Variants in MBNL3 observed in about 807,000 individuals in gnomAD.
MBNL3 encodes muscleblind like splicing regulator 3, also known as muscleblind-like protein 3.
In MBNL3, 6 loss-of-function variants were observed where a neutral mutation model predicts 24.5. The observed-to-expected ratio is 0.25, with a 90% CI of 0.13 to 0.48. The LOEUF (loss-of-function observed/expected upper bound fraction) is 0.48. Among genes scored for constraint, MBNL3 ranks in the 20% least tolerant of loss-of-function variants. The pLI is 0.99. For synonymous variants in MBNL3, 100 were observed against 101.7 expected (o/e 0.98, Z 0.10); for missense variants, 230 against 293.5 (o/e 0.78, Z 1.58).
rs922941299 is a variant in MBNL3 at position 132,379,245 on chromosome X, A to G, written c.*421T>C. 1.5e-5 allele frequency: 2 copies of G among 129,960 alleles called. No individual in the cohort carries two copies. The highest frequency in any genetic ancestry group is 6.4e-5 in the African/African-American group (2 of 31,149). 10.7% of individuals were successfully genotyped at this position (129,960 alleles called of 1,213,427 possible). A position where few individuals can be genotyped will look rare whatever the true frequency, so the allele number is the denominator to read the frequency against. ...ATTTGTTACATCCTGAATCAACCCA[A>G]TAGACTATCTTGTAAACAAAATAGT... On this transcript the variant is annotated 3_prime_UTR_variant, in exon 9 of 9. Transcript: ENST00000370853.
At chrX:132,400,126 G>T (rs1356302984) in intron 3 of MBNL3, among the ~76,000 whole-genome samples, 2 of 111,593 alleles carry the variant, frequency 1.8e-5, no homozygotes, top group African/African-American at 6.5e-5. Context: ...AATGCTAAAT[G>T]ATGAGTTAAT....
rs1235961969 is a variant in MBNL3 at position 132,375,735 on chromosome X, A to C, written c.*3931T>G. 2 of 110,925 alleles carry C rather than the reference A, an allele frequency of 1.8e-5. No individual in the cohort carries two copies. Among genetic ancestry groups the C allele is most frequent in the African/African-American group, 6.5e-5 (2 of 30,619 alleles). 9.1% of individuals were successfully genotyped at this position (110,925 alleles called of 1,213,427 possible). ...CCTATTTCTGTTTCAATGTATGTGA[A>C]ATGTATTTGAGAGAAAAATAATGAG... On this transcript the variant is annotated 3_prime_UTR_variant, in exon 9 of 9. Coordinates refer to ENST00000370853, the MANE Select transcript of MBNL3 (RefSeq NM_001386889.1).
At chrX:132,454,763 A>G (rs1186460425) in intron 1 of MBNL3, among the ~76,000 whole-genome samples, 1 of 112,323 alleles carries the variant, frequency 8.9e-6, no homozygotes, top group Non-Finnish European at 1.9e-5. Flanking sequence ...ATACATATCT[A>G]CAAACCAACT....
chrX:132,397,990 A>C (rs1940128678), intron 3 of MBNL3, among the ~76,000 whole-genome samples: 1 of 111,105 alleles, frequency 9.0e-6, no homozygotes, highest in South Asian at 3.8e-4. Context: ...TACTAATCGT[A>C]CTTGTTAATG....
At chrX:132,407,619 G>A (rs1014142644) in intron 2 of MBNL3, among the ~76,000 whole-genome samples, 1 of 111,997 alleles carries the variant, frequency 8.9e-6, no homozygotes, top group Non-Finnish European at 1.9e-5. Context: ...GAATAGCTAC[G>A]CAATTTCAAC....
At chrX:132,391,815 A>G (rs1465461357) in intron 4 of MBNL3, among the ~76,000 whole-genome samples, 2 of 111,645 alleles carry the variant, frequency 1.8e-5, no homozygotes, top group Non-Finnish European at 3.8e-5. Flanking sequence ...CACTTTGATT[A>G]TTCTAGCAAG....
chrX:132,410,772 A>G (rs1319844708), intron 2 of MBNL3, among the ~76,000 whole-genome samples: 1 of 112,429 alleles, frequency 8.9e-6, no homozygotes, highest in African/African-American at 3.2e-5. Flanking sequence ...ATTACAAATC[A>G]TATGTACCAG....
In MBNL3 at chrX:132,386,755, G is replaced by A; in HGVS notation, c.828C>T (p.Pro276=). 1 of 1,211,235 alleles carries A rather than the reference G, an allele frequency of 8.3e-7. No homozygotes were observed. The highest frequency in any genetic ancestry group is 1.1e-6 in the Non-Finnish European group (1 of 895,391). The part of the protein sequence containing the change: ...LIPKRSALEK[P]NGATPVFNPT... ...GATTAAAGACCGGGGTGGCACCATT[G>A]GGCTTTTCCAGTGCTGATCTCTTTG... is the stretch of plus-strand genomic sequence containing the variant. The change falls in exon 6 of 9, where the codon CCC becomes CCT. Residue 276 remains proline (P), a synonymous_variant. Transcript: ENST00000370853.
intron 2 of MBNL3, among the ~76,000 whole-genome samples, chrX:132,421,568 A>C (rs1167907435): frequency 1.8e-5 from 2 of 112,126 alleles, no homozygotes; most frequent in South Asian, 7.4e-4. Context: ...AACTAAAAGG[A>C]GAAAATAATT....
intron 5 of MBNL3, among the ~76,000 whole-genome samples, chrX:132,388,837 A>G (rs1275372792): frequency 9.0e-6 from 1 of 111,402 alleles, no homozygotes; most frequent in Non-Finnish European, 1.9e-5. Context: ...CATGTCCACT[A>G]TGAATCCTTA....
intron 2 of MBNL3, among the ~76,000 whole-genome samples, chrX:132,438,243 G>T (rs1358962485): frequency 1.8e-5 from 2 of 112,161 alleles, no homozygotes; most frequent in East Asian, 5.6e-4. Context: ...GAATTTCATG[G>T]TTAGACTGGA....
chrX:132,470,072 T>C (rs1330330754), intron 1 of MBNL3, among the ~76,000 whole-genome samples: 3 of 111,904 alleles, frequency 2.7e-5, no homozygotes, highest in African/African-American at 9.7e-5. Context: ...ATTATTCCAT[T>C]GTATGGGTAT....
intron 1 of MBNL3, among the ~76,000 whole-genome samples, chrX:132,448,789 T>C (rs1179738772): frequency 1.8e-5 from 2 of 112,188 alleles, no homozygotes; most frequent in African/African-American, 6.5e-5. Context: ...TGCTATAAAT[T>C]TCCCTCTAAA....
At chrX:132,420,273 G>T (rs936522239) in intron 2 of MBNL3, among the ~76,000 whole-genome samples, 1 of 112,163 alleles carries the variant, frequency 8.9e-6, no homozygotes, top group Non-Finnish European at 1.9e-5. Flanking sequence ...GGCAATGGGT[G>T]CCTCGCTGGA....
At chrX:132,402,883 C>A (rs978806018) in intron 3 of MBNL3, among the ~76,000 whole-genome samples, 1 of 112,009 alleles carries the variant, frequency 8.9e-6, no homozygotes, top group Non-Finnish European at 1.9e-5. Context: ...ATATTCAATT[C>A]TGCAAAGGCA....
chrX:132,444,596 G>A (rs953597986), intron 1 of MBNL3, among the ~76,000 whole-genome samples: 2 of 111,313 alleles, frequency 1.8e-5, no homozygotes, highest in Non-Finnish European at 3.8e-5. Flanking sequence ...GAGTAAGGGT[G>A]GGGGAGATTT....
At chrX:132,421,434 CT>C (rs1943807926) in intron 2 of MBNL3, among the ~76,000 whole-genome samples, 1 of 111,588 alleles carries the variant, frequency 9.0e-6, no homozygotes, top group Non-Finnish European at 1.9e-5. Flanking sequence ...ACTGAGGACA[CT>C]TCTCTTATTA....
At chrX:132,395,210 G>T (rs746967902) in intron 3 of MBNL3, among the ~76,000 whole-genome samples, 1 of 111,019 alleles carries the variant, frequency 9.0e-6, no homozygotes, top group Non-Finnish European at 1.9e-5. Context: ...ACATTCAAGG[G>T]CTTAGCGTTG....
chrX:132,412,608 T>G (rs534332253), intron 2 of MBNL3, among the ~76,000 whole-genome samples: 1 of 112,528 alleles, frequency 8.9e-6, no homozygotes, highest in Middle Eastern at 4.6e-3. Flanking sequence ...ATCTTTTTCT[T>G]AGAAATTTTT....
Sources: gnomAD v4.1 joint callset for allele counts (sites outside exome capture counted in the v4.1 genomes callset) on GRCh38, gnomAD v4.1.1 for gene constraint, MANE v1.5 for transcripts, NCBI Gene and HGNC (gene_info 2026-07-23, HGNC 2026-07-21) for gene names.